Variants in AOAH observed in about 807,000 individuals in gnomAD.
AOAH encodes the protein acyloxyacyl hydrolase, also known as acyloxyacyl hydrolase (neutrophil).
Under a neutral mutation model 92.2 loss-of-function variants are expected in AOAH, and 64 were observed. That is an observed-to-expected ratio of 0.69 (90% CI 0.57 to 0.86). AOAH has a LOEUF of 0.86. AOAH is among the 40% of genes least tolerant of loss of function. AOAH has a pLI of 0.00. For synonymous variants in AOAH, 263 were observed against 254.5 expected (o/e 1.03, Z -0.32); for missense variants, 656 against 694.6 (o/e 0.94, Z 0.62).
intron 13 of AOAH, among the ~76,000 whole-genome samples, chr7:36,576,257 T>C (rs1316157414): frequency 6.6e-6 from 1 of 152,260 alleles, no homozygotes; most frequent in Non-Finnish European, 1.5e-5. Context: ...GCTCTTGTTC[T>C]GCTAATGCTC....
chr7:36,675,344 G>T (rs1250558320), intron 2 of AOAH, among the ~76,000 whole-genome samples: 1 of 152,114 alleles, frequency 6.6e-6, no homozygotes, highest in Non-Finnish European at 1.5e-5. Flanking sequence ...AAATAAAAAG[G>T]ATTATAATGG....
At chr7:36,681,186 T>C (rs1796621894) in intron 2 of AOAH, among the ~76,000 whole-genome samples, 1 of 152,228 alleles carries the variant, frequency 6.6e-6, no homozygotes, top group East Asian at 1.9e-4. Flanking sequence ...TGTTCTTCAC[T>C]GTTTTCCTTC....
intron 20 of AOAH, among the ~76,000 whole-genome samples, chr7:36,519,049 G>A (rs758729269): frequency 7.2e-5 from 11 of 151,796 alleles, no homozygotes; most frequent in East Asian, 1.9e-4. Context: ...GTTTTTCTCC[G>A]TCTCTCTGGA....
chr7:36,659,107 C>T lies in AOAH; in HGVS notation c.390+59G>A, dbSNP rs1432884188. 4 of 1,418,512 alleles carry T rather than the reference C, an allele frequency of 2.8e-6. No homozygotes were observed. In the African/African-American group the frequency reaches 5.6e-5, roughly 20 times the overall value. 87.9% of individuals were successfully genotyped at this position (1,418,512 alleles called of 1,614,324 possible). A position where few individuals can be genotyped will look rare whatever the true frequency, so the allele number is the denominator to read the frequency against. ...GTAAAAGCTAAGCCTCCCTTTCTAA[C>T]ATTTCCAAAAGCCTTGCATGTCCCT... On this transcript the variant is annotated intron_variant, in intron 4 of 20. Transcript: ENST00000617537.
In AOAH at chr7:36,611,571, G is replaced by A. The variant is rs138767369; in HGVS notation, c.846+4809C>T. Among the ~76,000 whole-genome samples the A allele has an allele frequency of 3.0e-3, 461 of 152,306 alleles. 2 individuals are homozygous for A. Among genetic ancestry groups the A allele is most frequent in the African/African-American group, 0.01 (430 of 41,572 alleles). On this transcript the variant is annotated intron_variant, in intron 11 of 20. Transcript: ENST00000617537. ...GATTTTCTTAAAATGTCTACTGGGT[G>A]GGCCCCTCTTTTTCCTGGAGAATTA...
intron 4 of AOAH, among the ~76,000 whole-genome samples, chr7:36,645,474 CAG>C (rs761068758): frequency 7.2e-5 from 11 of 152,246 alleles, no homozygotes; most frequent in Non-Finnish European, 1.3e-4. Flanking sequence ...AAAGAGCCAA[CAG>C]AGAGGTACAG....
rs753119301 is a variant in AOAH, at chr7:36,724,196, A to G, written c.-48T>C. On this transcript the variant is annotated 5_prime_UTR_variant, in exon 1 of 21. Transcript: ENST00000617537. The stretch of plus-strand genomic sequence containing the variant: ...GATCACCCGGCTTTGGAAGCTCCCA[A>G]CTGAGGGATGCTGGAGCTGAGGCTG... The G allele has an allele frequency of 1.2e-6, 2 of 1,604,920 alleles. No individual in the cohort carries two copies. The highest frequency in any genetic ancestry group is 2.7e-5 in the African/African-American group (2 of 74,698).
intron 1 of AOAH, among the ~76,000 whole-genome samples, chr7:36,689,212 C>T (rs1402356034): frequency 6.6e-6 from 1 of 152,178 alleles, no homozygotes; most frequent in Admixed American, 6.5e-5. Flanking sequence ...CAACCAGTGT[C>T]CTCTCTAGAG....
intron 4 of AOAH, 23 bp downstream of exon 4, chr7:36,659,143 G>T: frequency 6.4e-7 from 1 of 1,574,292 alleles, no homozygotes; most frequent in Non-Finnish European, 8.7e-7. Flanking sequence ...GGAAACAGAT[G>T]TTCAGAGTGA....
intron 19 of AOAH, among the ~76,000 whole-genome samples, chr7:36,524,717 C>T (rs1276458620): frequency 1.3e-5 from 2 of 151,330 alleles, no homozygotes; most frequent in South Asian, 2.1e-4. Context: ...AAATAAAATG[C>T]ACCCCAGAGG....
At chr7:36,518,454 G>A (rs1271850017) in intron 20 of AOAH, among the ~76,000 whole-genome samples, 2 of 152,154 alleles carry the variant, frequency 1.3e-5, no homozygotes, top group East Asian at 3.9e-4. Flanking sequence ...TTTTACCAGC[G>A]GAAACTTTTA....
At chr7:36,697,263 T>C (rs573778409) in intron 1 of AOAH, among the ~76,000 whole-genome samples, 2 of 152,316 alleles carry the variant, frequency 1.3e-5, no homozygotes, top group East Asian at 3.9e-4. Context: ...GGGTGACAAA[T>C]TTTTTCAAAT....
chr7:36,602,878 G>C (rs1037030495), intron 11 of AOAH, among the ~76,000 whole-genome samples: 1 of 152,152 alleles, frequency 6.6e-6, no homozygotes, highest in Non-Finnish European at 1.5e-5. Context: ...CCCCATGACC[G>C]TGATCATAAA....
intron 1 of AOAH, among the ~76,000 whole-genome samples, chr7:36,698,275 T>C (rs1464293190): frequency 1.3e-5 from 2 of 152,228 alleles, no homozygotes. Context: ...TCTACAGTGA[T>C]GTCCCGTCTT....
intron 13 of AOAH, among the ~76,000 whole-genome samples, chr7:36,550,936 C>CCTCTTTGT (rs1256116259): frequency 1.3e-5 from 2 of 152,112 alleles, no homozygotes; most frequent in Non-Finnish European, 2.9e-5. Flanking sequence ...GCAATGATTG[C>CCTCTTTGT]CTCTTTGTCA....
intron 15 of AOAH, among the ~76,000 whole-genome samples, chr7:36,545,410 T>C (rs956295039): frequency 6.6e-6 from 1 of 152,210 alleles, no homozygotes; most frequent in African/African-American, 2.4e-5. Flanking sequence ...CCTTCCCTGC[T>C]GGCTTTTCTA....
At chr7:36,615,385 A>T (rs541928680) in intron 11 of AOAH, among the ~76,000 whole-genome samples, 1 of 152,328 alleles carries the variant, frequency 6.6e-6, no homozygotes, top group South Asian at 2.1e-4. Context: ...CCTTTAACGG[A>T]ACTTTCGAAC....
At chr7:36,691,851 A>G (rs915156882) in intron 1 of AOAH, among the ~76,000 whole-genome samples, 12 of 152,146 alleles carry the variant, frequency 7.9e-5, no homozygotes, top group Admixed American at 2.6e-4. Flanking sequence ...ACAGCTTTTC[A>G]GCTTCCACTT....
chr7:36,597,608 T>C (rs1386688217), intron 11 of AOAH, among the ~76,000 whole-genome samples: 1 of 152,174 alleles, frequency 6.6e-6, no homozygotes, highest in African/African-American at 2.4e-5. Context: ...AAGAATGATA[T>C]GGTTCTTTTC....
Sources: gnomAD v4.1 joint callset for allele counts (sites outside exome capture counted in the v4.1 genomes callset) on GRCh38, gnomAD v4.1.1 for gene constraint, MANE v1.5 for transcripts, NCBI Gene and HGNC (gene_info 2026-07-23, HGNC 2026-07-21) for gene names.